PARD3: variants seen among roughly 807,000 people sequenced by gnomAD.
The protein encoded by PARD3 is par-3 family cell polarity regulator, also known as partitioning defective 3 homolog.
A neutral mutation model predicts 155.4 loss-of-function variants in PARD3; 75 were observed. The observed-to-expected ratio is 0.48, with a 90% CI of 0.40 to 0.58. The LOEUF (loss-of-function observed/expected upper bound fraction) is 0.58, where lower values mean the gene tolerates loss of function less well. Among genes scored for constraint, PARD3 ranks in the 20% least tolerant of loss-of-function variants. PARD3 has a pLI of 0.00. For missense variants in PARD3, 1,642 were observed against 1,721.7 expected, an observed-to-expected ratio of 0.95 and a Z score of 0.82; for synonymous variants, 576 against 610.5, an observed-to-expected ratio of 0.94 and a Z score of 0.83.
intron 22 of PARD3, among the ~76,000 whole-genome samples, chr10:34,240,713 G>A (rs1953528833): frequency 6.6e-6 from 1 of 152,098 alleles, no homozygotes; most frequent in South Asian, 2.1e-4. Flanking sequence ...TCTTCTTGGT[G>A]GCACACCCAG....
At chr10:34,316,495 A>G (rs1958012812) in intron 20 of PARD3, among the ~76,000 whole-genome samples, 1 of 152,220 alleles carries the variant, frequency 6.6e-6, no homozygotes, top group African/African-American at 2.4e-5. Context: ...AATAAGTACT[A>G]AATTAATGAA....
chr10:34,451,798 T>A (rs2077075460), intron 4 of PARD3, among the ~76,000 whole-genome samples: 2 of 145,594 alleles, frequency 1.4e-5, no homozygotes, highest in Admixed American at 6.9e-5. Context: ...TTAATAGAAA[T>A]GGTAAGGAGA....
chr10:34,677,165 C>A (rs1041596524), intron 2 of PARD3, among the ~76,000 whole-genome samples: 2 of 151,942 alleles, frequency 1.3e-5, no homozygotes, highest in Admixed American at 6.6e-5. Flanking sequence ...TCAGTGTTGT[C>A]CAATAAGGAA....
intron 2 of PARD3, among the ~76,000 whole-genome samples, chr10:34,535,568 C>A (rs2083167122): frequency 1.3e-5 from 2 of 152,128 alleles, no homozygotes; most frequent in South Asian, 4.1e-4. Context: ...CTCACTGCAA[C>A]CTCCATCTCC....
At chr10:34,707,074 C>G (rs998848851) in intron 1 of PARD3, among the ~76,000 whole-genome samples, 1 of 151,848 alleles carries the variant, frequency 6.6e-6, no homozygotes, top group African/African-American at 2.4e-5. Flanking sequence ...GGTGAAACCC[C>G]ATCTATACTA....
At chr10:34,631,708 A>G (rs2092278670) in intron 2 of PARD3, among the ~76,000 whole-genome samples, 1 of 152,182 alleles carries the variant, frequency 6.6e-6, no homozygotes, top group South Asian at 2.1e-4. Context: ...CACTCAAGCA[A>G]TCCTCCAACC....
At chr10:34,571,074 C>T (rs1342170669) in intron 2 of PARD3, among the ~76,000 whole-genome samples, 6 of 152,136 alleles carry the variant, frequency 3.9e-5, no homozygotes, top group Admixed American at 1.3e-4. Context: ...CTTTGGGAGG[C>T]TGAGGAGGGA....
At chr10:34,264,495 A>AAG (rs1156718826) in intron 22 of PARD3, among the ~76,000 whole-genome samples, 1 of 152,212 alleles carries the variant, frequency 6.6e-6, no homozygotes, top group Non-Finnish European at 1.5e-5. Context: ...TAAGAACTAG[A>AAG]AGAGCTGCTC....
chr10:34,310,728 G>A (rs1317107660), intron 20 of PARD3, among the ~76,000 whole-genome samples: 1 of 152,128 alleles, frequency 6.6e-6, no homozygotes, highest in Non-Finnish European at 1.5e-5. Context: ...AGGTCAGTTG[G>A]ACATTTATTT....
intron 22 of PARD3, among the ~76,000 whole-genome samples, chr10:34,232,216 T>C (rs1952970597): frequency 6.6e-6 from 1 of 152,092 alleles, no homozygotes; most frequent in Non-Finnish European, 1.5e-5. Context: ...ATATGAGATA[T>C]TTGGGGGACT....
rs181110956 is a variant in PARD3 at position 34,251,030 on chromosome 10, A to T, written c.3419+18627T>A. Among the ~76,000 whole-genome samples, 258 of 152,320 alleles carry T rather than the reference A, an allele frequency of 1.7e-3. 1 individual carries two copies. The highest frequency in any genetic ancestry group is 5.9e-3 in the African/African-American group (245 of 41,566). On this transcript the variant is annotated intron_variant, in intron 22 of 24. Transcript: ENST00000374788. ...ACCTCTTTCACCTTAGTCTCCTGTT[A>T]TGGAAATTAATCTTTAGCTATTCAA...
intron 2 of PARD3, among the ~76,000 whole-genome samples, chr10:34,672,857 CA>C (rs1191108298): frequency 3.9e-5 from 6 of 152,132 alleles, no homozygotes; most frequent in Admixed American, 6.5e-5. Context: ...TATGAAGTGG[CA>C]AAAATTCTAT....
intron 4 of PARD3, among the ~76,000 whole-genome samples, chr10:34,469,596 T>G (rs1236397715): frequency 2.6e-5 from 4 of 152,212 alleles, no homozygotes; most frequent in African/African-American, 9.6e-5. Context: ...TAAATTACCA[T>G]GAAGTCCACT....
chr10:34,497,483 C>T (rs1589783508), intron 3 of PARD3, among the ~76,000 whole-genome samples: 1 of 152,230 alleles, frequency 6.6e-6, no homozygotes, highest in East Asian at 1.9e-4. Context: ...CCAAGCGATA[C>T]TGAAGGATGA....
At chr10:34,604,512 T>C (rs1328434740) in intron 2 of PARD3, among the ~76,000 whole-genome samples, 1 of 151,572 alleles carries the variant, frequency 6.6e-6, no homozygotes, top group African/African-American at 2.4e-5. Flanking sequence ...AGCTTGCAGA[T>C]GGCCTATTAT....
At chr10:34,266,585 G>T (rs115871860) in intron 22 of PARD3, among the ~76,000 whole-genome samples, 3 of 152,058 alleles carry the variant, frequency 2.0e-5, no homozygotes, top group African/African-American at 7.2e-5. Context: ...TAAAAGTATC[G>T]TAAGTCTGAC....
At chr10:34,497,169 T>C (rs1007850700) in intron 3 of PARD3, among the ~76,000 whole-genome samples, 2 of 152,206 alleles carry the variant, frequency 1.3e-5, no homozygotes, top group Non-Finnish European at 2.9e-5. Flanking sequence ...TCCTATCTGT[T>C]GGTTCCACAT....
chr10:34,111,772 G>A (rs899042021), intron 24 of PARD3, among the ~76,000 whole-genome samples: 3 of 152,170 alleles, frequency 2.0e-5, no homozygotes, highest in Non-Finnish European at 2.9e-5. Flanking sequence ...AACTAACAAC[G>A]AGTAAACAGG....
At position 34,222,039 on chromosome 10, in the gene PARD3, C is replaced by A. The variant is rs564498904; in HGVS notation, c.3419+47618G>T. Among the ~76,000 whole-genome samples the A allele has an allele frequency of 2.0e-5, 3 of 152,288 alleles. No homozygotes were observed. In the South Asian group the frequency reaches 6.2e-4, roughly 32 times the overall value. ...AGATGGTAAATTTTATTAAAAACCT[C>A]TAGCATTGCACTATATAAAGATGAA... On this transcript the variant is annotated intron_variant, in intron 22 of 24. Transcript: ENST00000374788.
Sources: gnomAD v4.1 joint callset for allele counts (sites outside exome capture counted in the v4.1 genomes callset) on GRCh38, gnomAD v4.1.1 for gene constraint, MANE v1.5 for transcripts, NCBI Gene and HGNC (gene_info 2026-07-23, HGNC 2026-07-21) for gene names.